The following CECR2 variants were observed in gnomAD, a reference collection of about 807,000 sequenced individuals.
CECR2 encodes CECR2 histone acetyl-lysine reader.
Under a neutral mutation model 154.5 loss-of-function variants are expected in CECR2, and 30 were observed. That is an observed-to-expected ratio of 0.19 (90% CI 0.15 to 0.26). The LOEUF (loss-of-function observed/expected upper bound fraction) is 0.26. Ranked by LOEUF, CECR2 falls within the 10% of genes least tolerant of loss-of-function variation. CECR2 has a pLI of 1.00. For missense variants in CECR2, 1,743 were observed against 1,829.3 expected (o/e 0.95, Z 0.86); for synonymous variants, 725 against 683.7 (o/e 1.06, Z -0.94).
chr22:17,422,468 G>C (rs2054270969), intron 1 of CECR2, among the ~76,000 whole-genome samples: 2 of 152,198 alleles, frequency 1.3e-5, no homozygotes, highest in Admixed American at 1.3e-4. Context: ...CTCCCAAAGT[G>C]CTGGGATCCC....
intron 1 of CECR2, among the ~76,000 whole-genome samples, chr22:17,455,712 C>G (rs1489449219): frequency 6.6e-6 from 1 of 152,216 alleles, no homozygotes; most frequent in Non-Finnish European, 1.5e-5. Flanking sequence ...CTCCTGGGTT[C>G]AAGCAATTCT....
At chr22:17,380,084 C>T (rs1300868718) in intron 1 of CECR2, among the ~76,000 whole-genome samples, 2 of 151,930 alleles carry the variant, frequency 1.3e-5, no homozygotes, top group African/African-American at 2.4e-5. Context: ...CTCTTCTACT[C>T]CCTTGTGCTC....
At chr22:17,530,217 T>C (rs1276624821) in intron 9 of CECR2, among the ~76,000 whole-genome samples, 1 of 151,986 alleles carries the variant, frequency 6.6e-6, no homozygotes, top group East Asian at 1.9e-4. Flanking sequence ...CCCATACTTT[T>C]GTTGTTGCTG....
In CECR2 at chr22:17,542,839, G is replaced by A. The variant is rs1349361488; in HGVS notation, c.2696G>A (p.Gly899Asp). The A allele has an allele frequency of 4.3e-6, 7 of 1,613,718 alleles. No individual in the cohort carries two copies. The South Asian group carries it at 5.5e-5, about 13-fold the overall frequency. Reference sequence around the variant, plus strand: ...CTCTCCTCCCGCGTCTGCCCCCCAGGTGTGCCTTACCACCCCCACCAGCCT... The same window carrying A: ...CTCTCCTCCCGCGTCTGCCCCCCAGATGTGCCTTACCACCCCCACCAGCCT... ...QQLSSRVCPP[G>D]VPYHPHQPAH... is the part of the protein sequence containing the mutation. The change falls in exon 16 of 19, where the codon GGT (glycine) becomes GAT (aspartate). Residue 899 changes from glycine (G) to aspartate (D), a missense_variant. Around this residue, in one of 4 missense-constraint regions of CECR2, gnomAD observed 1,250 missense variants for 1,192.1 expected, o/e 1.05. Transcript: ENST00000262608.
chr22:17,421,558 T>A (rs1339667198), intron 1 of CECR2, among the ~76,000 whole-genome samples: 1 of 129,502 alleles, frequency 7.7e-6, no homozygotes, highest in East Asian at 2.3e-4. Flanking sequence ...GAGCTTGCAG[T>A]GAGCCGAGAT....
At chr22:17,513,539 A>G (rs7364142) in intron 8 of CECR2, among the ~76,000 whole-genome samples, 9,408 of 152,270 alleles carry the variant, frequency 0.062, 345 homozygotes, top group African/African-American at 0.086. Context: ...TTTTGATTTC[A>G]CATCTGTCTC....
chr22:17,481,048 T>TAAAAAAAAAAAA (rs1569109739), intron 2 of CECR2, among the ~76,000 whole-genome samples: 41 of 73,238 alleles, frequency 5.6e-4, no homozygotes, highest in African/African-American at 1.7e-3. Context: ...TCTTTTTTTT[T>TAAAAAAAAAAAA]TAAAAAAAAA....
chr22:17,427,662 G>A (rs62239284), intron 1 of CECR2, among the ~76,000 whole-genome samples: 22,332 of 152,074 alleles, frequency 0.15, 1,680 homozygotes, highest in South Asian at 0.19. Context: ...AAAGAACAAA[G>A]CTTCCACAGT....
At chr22:17,552,221 G>GAAAAAAAA in intron 18 of CECR2, 79 bp downstream of exon 18, 1 of 1,323,452 alleles carries the variant, frequency 7.6e-7, no homozygotes, top group Non-Finnish European at 1.1e-6. Flanking sequence ...TTGCTGTTCT[G>GAAAAAAAA]AAAAAATGTT....
At chr22:17,524,417 G>C in intron 9 of CECR2, 146 bp downstream of exon 9, 5 of 745,496 alleles carry the variant, frequency 6.7e-6, no homozygotes, top group Non-Finnish European at 9.7e-6. Context: ...TTTTGAGACG[G>C]AGTCTCGCTG....
At chr22:17,426,355 TA>T (rs1225269769) in intron 1 of CECR2, among the ~76,000 whole-genome samples, 1 of 152,084 alleles carries the variant, frequency 6.6e-6, no homozygotes, top group African/African-American at 2.4e-5. Context: ...TCTATTCTTT[TA>T]ATTTTTTTTT....
rs1337016412 is a variant in CECR2 at position 17,404,364 on chromosome 22, CTTTCTTTTTTTTT to C, written c.126+34459_126+34471del. On this transcript the variant is annotated intron_variant, in intron 1 of 18. Transcript: ENST00000262608. ...TGTGGGTTCATTTCTGGACCCTGTTCTTTCTTTTTTTTTTTTTTTTTTTTTTTGAGACGGAGTC... is the reference window on the plus strand; with the variant it reads ...TGTGGGTTCATTTCTGGACCCTGTTCTTTTTTTTTTTTTTGAGACGGAGTC... Among the ~76,000 whole-genome samples the C allele has an allele frequency of 2.9e-4, 17 of 59,608 alleles. 5 individuals are homozygous for C. Among genetic ancestry groups the C allele is most frequent in the Non-Finnish European group, 5.1e-4 (16 of 31,434 alleles). The allele number at this position is 59,608 out of a possible 152,430, so 39.1% of individuals were successfully genotyped here. A position where few individuals can be genotyped will look rare whatever the true frequency, so the allele number is the denominator to read the frequency against.
Position 17,556,077 on chromosome 22 carries a change from A to G in CECR2, c.*3237A>G, listed in dbSNP as rs916849663. 3 of 152,202 alleles carry G rather than the reference A, an allele frequency of 2.0e-5. No homozygotes were observed. Among genetic ancestry groups the G allele is most frequent in the Middle Eastern group, 3.2e-3 (1 of 314 alleles). The allele number at this position is 152,202 out of a possible 1,614,324, so 9.4% of individuals were successfully genotyped here. ...TGGCTGAAATTTGTTACAGTGAATG[A>G]ATGTGGAGAATAAATAAGAACAAAC... is the stretch of plus-strand genomic sequence containing the variant. On this transcript the variant is annotated 3_prime_UTR_variant, in exon 19 of 19. Coordinates refer to ENST00000262608, the MANE Select transcript of CECR2 (RefSeq NM_001290047.2).
At position 17,549,240 on chromosome 22, in the gene CECR2, T is replaced by C. The variant is rs61735058; in HGVS notation, c.3953T>C (p.Leu1318Pro). ...AGCTCGTTGTCAGCCAGCGAGTATC[T>C]CTATGGAACTCCTCCGCCTCTGAGT... ...RQSSLSASEY[L>P]YGTPPPLSSG... The change falls in exon 17 of 19, where the codon CTC becomes CCC. Residue 1318 changes from leucine to proline, a missense_variant. By Grantham distance (98) the Leu-to-Pro change is moderately conservative (BLOSUM62 -3). This residue lies in a region of CECR2 where 1,250 missense variants were observed against 1,192.1 expected (regional missense o/e 1.05). Coordinates refer to ENST00000262608, the MANE Select transcript of CECR2 (RefSeq NM_001290047.2). 791 of 1,613,974 alleles carry C rather than the reference T, an allele frequency of 4.9e-4. 1 individual carries two copies. Among genetic ancestry groups the C allele is most frequent in the South Asian group, 1.2e-3 (110 of 91,088 alleles).
Position 17,537,108 on chromosome 22 carries a change from G to A in CECR2, c.1114G>A (p.Ala372Thr), listed in dbSNP as rs1213605092. 4 of 1,613,806 alleles carry A rather than the reference G, an allele frequency of 2.5e-6. No individual in the cohort carries two copies. Among genetic ancestry groups the A allele is most frequent in the Non-Finnish European group, 3.4e-6 (4 of 1,179,822 alleles). The change falls in exon 10 of 19, where the codon GCG becomes ACG. Residue 372 changes from alanine (A) to threonine (T), a missense_variant. Coordinates refer to ENST00000262608, the MANE Select transcript of CECR2 (RefSeq NM_001290047.2). ...EEKVKAVEDR[A>T]KRRKLREERA... Reference sequence around the variant, plus strand: ...AGCCTTTGTGTTCATTGTAGATCGAGCGAAGAGGAGAAAGCTCAGGGAAGA... The same window carrying A: ...AGCCTTTGTGTTCATTGTAGATCGAACGAAGAGGAGAAAGCTCAGGGAAGA...
Position 17,375,941 on chromosome 22 carries a change from C to T in CECR2, c.126+6032C>T, listed in dbSNP as rs369582199. On this transcript the variant is annotated intron_variant, in intron 1 of 18. Transcript: ENST00000262608. ...TTGCACTCCAGCCTGGGCAACAGAG[C>T]GAGAGGGAGACTCTTATCTAAAAAA... is the stretch of plus-strand genomic sequence containing the variant. 3.6e-4 allele frequency among the ~76,000 whole-genome samples: 51 copies of T among 143,350 alleles called. No individual in the cohort carries two copies. The East Asian group carries it at 5.2e-3, about 15-fold the overall frequency. The allele number at this position is 143,350 out of a possible 152,430, so 94.0% of individuals were successfully genotyped here.
In CECR2 at chr22:17,549,563, G is replaced by C; in HGVS notation, c.4276G>C (p.Gly1426Arg). ...GPFQEMYRPS[G>R]MQMHPVQSQA... ...TTTCCAGGAAATGTACAGACCATCA[G>C]GGTAAGATTGCATTCAGGCTTTTCC... The change falls in exon 17 of 19, where the codon GGA becomes CGA. Residue 1426 changes from glycine to arginine, a missense_variant and splice_region_variant. By Grantham distance (125) the Gly-to-Arg change is moderately radical. This residue lies in a region of CECR2 where 1,250 missense variants were observed against 1,192.1 expected (regional missense o/e 1.05). Transcript: ENST00000262608. 1 of 1,570,700 alleles carries C rather than the reference G, an allele frequency of 6.4e-7. No homozygotes were observed. Among genetic ancestry groups the C allele is most frequent in the South Asian group, 1.2e-5 (1 of 85,948 alleles).
In CECR2 at chr22:17,400,723, G is replaced by A. The variant is rs561058836; in HGVS notation, c.126+30814G>A. 2.0e-5 allele frequency among the ~76,000 whole-genome samples: 3 copies of A among 152,278 alleles called. No homozygotes were observed. In the South Asian group the frequency reaches 6.2e-4, roughly 32 times the overall value. On this transcript the variant is annotated intron_variant, in intron 1 of 18. Transcript: ENST00000262608. ...GGTAATTGGGATCTCACTTGCCTGT[G>A]TATAGTTTGTTGGCAGGATCCCAGG...
intron 6 of CECR2, 122 bp from the exon 7 acceptor site, chr22:17,504,725 G>A (rs1219880810): frequency 3.0e-5 from 24 of 796,358 alleles, no homozygotes; most frequent in Non-Finnish European, 4.5e-5. Flanking sequence ...ACAGGCTTGA[G>A]CCACCGCGCC....
Sources: gnomAD v4.1 joint callset for allele counts (sites outside exome capture counted in the v4.1 genomes callset) on GRCh38, gnomAD v4.1.1 for gene constraint, gnomAD v4.1.1 regional missense constraint, MANE v1.5 for transcripts, NCBI Gene and HGNC (gene_info 2026-07-23, HGNC 2026-07-21) for gene names.